The following CFAP46 variants were observed in gnomAD, a reference collection of about 807,000 sequenced individuals.
The protein encoded by CFAP46 is cilia and flagella associated protein 46, also known as cilia- and flagella-associated protein 46.
Under a neutral mutation model 325.7 loss-of-function variants are expected in CFAP46, and 245 were observed. The ratio of observed to expected loss-of-function variants is 0.75; its 90% CI spans 0.68 to 0.84. The LOEUF (loss-of-function observed/expected upper bound fraction) is 0.84, where lower values mean the gene tolerates loss of function less well. CFAP46 is among the 40% of genes least tolerant of loss of function. The pLI is 0.00. For missense variants in CFAP46, 3,346 were observed against 3,543.0 expected (o/e 0.94, Z 1.41); for synonymous variants, 1,523 against 1,495.9 (o/e 1.02, Z -0.42).
chr10:132,883,676 A>G (rs1849079896), intron 27 of CFAP46, among the ~76,000 whole-genome samples: 1 of 152,282 alleles, frequency 6.6e-6, no homozygotes, highest in Non-Finnish European at 1.5e-5. Context: ...TGCTGACCAC[A>G]GCATTCCTCA....
chr10:132,837,133 C>T, intron 44 of CFAP46: 1 of 501,752 alleles, frequency 2.0e-6, no homozygotes, highest in Admixed American at 3.7e-5. Flanking sequence ...CCGGCGGCCC[C>T]AAAATGTCAT....
chr10:132,869,130 G>A lies in CFAP46; in HGVS notation c.4610+144C>T, dbSNP rs939585660. On this transcript the variant is annotated intron_variant, in intron 33 of 57. Coordinates refer to ENST00000368586, the MANE Select transcript of CFAP46 (RefSeq NM_001200049.3). The surrounding 1 kb of genome is among the most constrained non-coding windows in gnomAD (Gnocchi z 6.2). ...ACCTCCAGCACGACCCAGGAGAACCGGCCACAGCCGTGTCCCCCAAGTGCT... is the reference window on the plus strand; with the variant it reads ...ACCTCCAGCACGACCCAGGAGAACCAGCCACAGCCGTGTCCCCCAAGTGCT... 18 of 560,252 alleles carry A rather than the reference G, an allele frequency of 3.2e-5. No homozygotes were observed. Among genetic ancestry groups the A allele is most frequent in the African/African-American group, 3.2e-4 (16 of 50,770 alleles). The allele number at this position is 560,252 out of a possible 1,614,324, so 34.7% of individuals were successfully genotyped here. A position where few individuals can be genotyped will look rare whatever the true frequency, so the allele number is the denominator to read the frequency against.
At chr10:132,826,815 T>TA (rs1848064559) in intron 50 of CFAP46, among the ~76,000 whole-genome samples, 1 of 152,066 alleles carries the variant, frequency 6.6e-6, no homozygotes. Flanking sequence ...ACGAGTTTAA[T>TA]AACAGGCACC....
At chr10:132,820,403 GA>G (rs1847770391) in intron 50 of CFAP46, among the ~76,000 whole-genome samples, 1 of 152,242 alleles carries the variant, frequency 6.6e-6, no homozygotes, top group Non-Finnish European at 1.5e-5. Context: ...GCAGGATGAG[GA>G]AGCTCCGCTG....
intron 2 of CFAP46, 47 bp from the exon 3 acceptor site, chr10:132,941,769 C>T (rs1850106472): frequency 6.2e-7 from 1 of 1,609,738 alleles, no homozygotes; most frequent in Admixed American, 1.7e-5. Flanking sequence ...GGAGGGGTGG[C>T]CTCCCTGCCC....
intron 56 of CFAP46, 29 bp downstream of exon 56, chr10:132,810,921 C>G: frequency 6.4e-7 from 1 of 1,561,664 alleles, no homozygotes; most frequent in Non-Finnish European, 8.7e-7. Flanking sequence ...CTCAGCATCC[C>G]TGCCCACCCG....
At chr10:132,823,761 TGTGTGC>T (rs1847953295) in intron 50 of CFAP46, among the ~76,000 whole-genome samples, 1 of 65,714 alleles carries the variant, frequency 1.5e-5, no homozygotes, top group Non-Finnish European at 3.0e-5. Context: ...GTGTGCTGTG[TGTGTGC>T]TGTGTGCTGT....
chr10:132,937,525 G>A (rs753676161), intron 6 of CFAP46, 27 bp downstream of exon 6: 24 of 1,611,808 alleles, frequency 1.5e-5, no homozygotes, highest in Middle Eastern at 1.6e-4. Context: ...TACTTCTTAC[G>A]TCTCTATTTC....
chr10:132,830,664 T>C (rs954590197), intron 50 of CFAP46, among the ~76,000 whole-genome samples: 1 of 152,206 alleles, frequency 6.6e-6, no homozygotes, highest in African/African-American at 2.4e-5. Context: ...TCTATCATTT[T>C]TGATATTGAT....
At chr10:132,918,886 C>T (rs955448887) in intron 15 of CFAP46, among the ~76,000 whole-genome samples, 5 of 152,244 alleles carry the variant, frequency 3.3e-5, no homozygotes, top group Non-Finnish European at 7.3e-5. Flanking sequence ...TGTCACCTCC[C>T]TCGTCCCTCC....
In CFAP46 at chr10:132,913,201, C is replaced by T; in HGVS notation, c.2178G>A (p.Glu726=). ...ACGCCTCCTGGATCTCCTGTCCGAT[C>T]TCTGCGGAGCGCAGCCAGTTATTCA... The part of the protein sequence containing the change: ...CAMNNWLRSA[E]IGQEIQEAWI... The change falls in exon 18 of 58, where the codon GAG becomes GAA. Residue 726 remains glutamate, a synonymous_variant. Transcript: ENST00000368586. 1 of 1,550,480 alleles carries T rather than the reference C, an allele frequency of 6.4e-7. No individual in the cohort carries two copies. Among genetic ancestry groups the T allele is most frequent in the Non-Finnish European group, 8.7e-7 (1 of 1,146,992 alleles).
Position 132,872,903 on chromosome 10 carries a change from C to T in CFAP46, c.4363-79G>A, listed in dbSNP as rs1848913113. ...AGCATAAGGGTCTTTCCTCAGAGAACTCCCTCCCTCCCCATGCCAGCACAT... is the reference window on the plus strand; with the variant it reads ...AGCATAAGGGTCTTTCCTCAGAGAATTCCCTCCCTCCCCATGCCAGCACAT... On this transcript the variant is annotated intron_variant, in intron 31 of 57. Transcript: ENST00000368586. 2.0e-6 allele frequency: 3 copies of T among 1,468,730 alleles called. No homozygotes were observed. The East Asian group carries it at 7.4e-5, about 36-fold the overall frequency. The allele number at this position is 1,468,730 out of a possible 1,614,324, so 91.0% of individuals were successfully genotyped here. A position where few individuals can be genotyped will look rare whatever the true frequency, so the allele number is the denominator to read the frequency against.
rs1564801956 is a variant in CFAP46, at chr10:132,922,582, G to A, written c.1383C>T (p.Tyr461=). ...KAARLDSLGL[Y]RDRIQMASTR... ...TGGAGGCCATCTGGATCCTGTCCCGGTAGAGGCCCAGGCTGTCCAGGCGCG... is the reference window on the plus strand; with the variant it reads ...TGGAGGCCATCTGGATCCTGTCCCGATAGAGGCCCAGGCTGTCCAGGCGCG... The change falls in exon 12 of 58, where the codon TAC becomes TAT. Residue 461 remains tyrosine, a synonymous_variant. Coordinates refer to ENST00000368586, the MANE Select transcript of CFAP46 (RefSeq NM_001200049.3). 1 of 1,548,760 alleles carries A rather than the reference G, an allele frequency of 6.5e-7. No homozygotes were observed.
In CFAP46 at chr10:132,922,148, G is replaced by A. The variant is rs1236868398; in HGVS notation, c.1562C>T (p.Pro521Leu). Residue 521 changes from proline (P) to leucine (L), a missense_variant, in exon 13 of 58, where the codon CCT (proline) becomes CTT (leucine). By Grantham distance (98) the Pro-to-Leu change is moderately conservative. Coordinates refer to ENST00000368586, the MANE Select transcript of CFAP46 (RefSeq NM_001200049.3). ...LLVNAGLALA[P>L]DAFQIVLDSE... ...GTCCAGCACAATCTGAAACGCGTCAGGGGCTAAGGCCAGGCCTGCATTCAC... is the reference window on the plus strand; with the variant it reads ...GTCCAGCACAATCTGAAACGCGTCAAGGGCTAAGGCCAGGCCTGCATTCAC... 6 of 1,550,426 alleles carry A rather than the reference G, an allele frequency of 3.9e-6. No individual in the cohort carries two copies. The highest frequency in any genetic ancestry group is 4.4e-6 in the Non-Finnish European group (5 of 1,146,964).
intron 38 of CFAP46, among the ~76,000 whole-genome samples, chr10:132,858,161 C>T (rs928207742): frequency 1.3e-5 from 2 of 152,186 alleles, no homozygotes; most frequent in Non-Finnish European, 2.9e-5. Flanking sequence ...GCTTCCCTCG[C>T]GCAGGCTTCT....
chr10:132,850,396 C>T lies in CFAP46; in HGVS notation c.5800G>A (p.Ala1934Thr). 2 of 1,579,682 alleles carry T rather than the reference C, an allele frequency of 1.3e-6. No individual in the cohort carries two copies. Among genetic ancestry groups the T allele is most frequent in the East Asian group, 2.3e-5 (1 of 43,076 alleles). The change falls in exon 41 of 58, where the codon GCA becomes ACA. Residue 1934 changes from alanine (A) to threonine (T), a missense_variant. Transcript: ENST00000368586. ...FTLKRTLAHG[A>T]LAQLGSLQPL... is the part of the protein sequence containing the mutation. ...TGCAGGCTCCCCAGCTGTGCCAGTGCCCCGTGTGCTAGAGTCCGCTTCAGC... is the reference window on the plus strand; with the variant it reads ...TGCAGGCTCCCCAGCTGTGCCAGTGTCCCGTGTGCTAGAGTCCGCTTCAGC...
Position 132,939,749 on chromosome 10 carries a change from CCT to C in CFAP46, c.372-998_372-997del, listed in dbSNP as rs1316455615. Among the ~76,000 whole-genome samples the C allele has an allele frequency of 2.6e-5, 4 of 152,166 alleles. No individual in the cohort carries two copies. The highest frequency in any genetic ancestry group is 1.9e-4 in the East Asian group (1 of 5,172). Reference sequence around the variant, plus strand: ...GGACTCCAGCGGCCTGCTGCGTCTCCCTGAGTGCTGCGTCTCCCTGAGTGCTG... The same window carrying C: ...GGACTCCAGCGGCCTGCTGCGTCTCCGAGTGCTGCGTCTCCCTGAGTGCTG... On this transcript the variant is annotated intron_variant, in intron 4 of 57. Coordinates refer to ENST00000368586, the MANE Select transcript of CFAP46 (RefSeq NM_001200049.3). This position sits in a 1 kb window ranked among gnomAD's most constrained non-coding sequence, Gnocchi z 4.6.
intron 11 of CFAP46, among the ~76,000 whole-genome samples, chr10:132,922,920 G>A (rs10870207): frequency 6.6e-6 from 1 of 152,174 alleles, no homozygotes; most frequent in South Asian, 2.1e-4. Flanking sequence ...CCTGCAGACC[G>A]CAGAGGCCTC....
chr10:132,837,821 GCACA>G (rs748708604), intron 44 of CFAP46, among the ~76,000 whole-genome samples: 4 of 102,958 alleles, frequency 3.9e-5, no homozygotes, highest in African/African-American at 3.9e-5. Context: ...GTACACAGAT[GCACA>G]CACACAGACA....
Sources: allele counts gnomAD v4.1 joint callset (sites outside exome capture counted in the v4.1 genomes callset), GRCh38; gene constraint gnomAD v4.1.1; non-coding constraint Gnocchi (gnomAD v3.1); transcripts MANE v1.5; gene names NCBI Gene and HGNC (gene_info 2026-07-23, HGNC 2026-07-21).